ANXA7: variants seen among roughly 807,000 people sequenced by gnomAD.
ANXA7 encodes annexin VII.
A neutral mutation model predicts 64.9 loss-of-function variants in ANXA7; 55 were observed. That is an observed-to-expected ratio of 0.85 (90% confidence interval 0.68 to 1.06). The LOEUF (loss-of-function observed/expected upper bound fraction) is 1.06, where lower values mean the gene tolerates loss of function less well. ANXA7 is among the 50% of genes least tolerant of loss of function. The pLI is 0.00. For synonymous variants in ANXA7, 200 were observed against 192.4 expected (o/e 1.04, Z -0.33); for missense variants, 548 against 582.1 (o/e 0.94, Z 0.60).
intron 2 of ANXA7, among the ~76,000 whole-genome samples, chr10:73,400,035 C>T (rs2055636053): frequency 6.6e-6 from 1 of 151,306 alleles, no homozygotes; most frequent in Admixed American, 6.6e-5. Flanking sequence ...CCTAGCTACT[C>T]GGGAGGCTGA....
chr10:73,388,099 G>A (rs3763680), intron 6 of ANXA7, among the ~76,000 whole-genome samples: 22,711 of 151,756 alleles, frequency 0.15, 2,753 homozygotes, highest in African/African-American at 0.31. Context: ...TGCCCACCTC[G>A]GCCTCCTAAA....
rs548395042 is a variant in ANXA7, at chr10:73,396,615, G to A, written c.371-32C>T. The A allele has an allele frequency of 6.1e-5, 86 of 1,403,062 alleles. 1 individual carries two copies. The South Asian group carries it at 9.9e-4, about 16-fold the overall frequency. 86.9% of individuals were successfully genotyped at this position (1,403,062 alleles called of 1,614,324 possible). On this transcript the variant is annotated intron_variant, in intron 4 of 12. Coordinates refer to ENST00000372921, the MANE Select transcript of ANXA7 (RefSeq NM_001156.5). Reference sequence around the variant, plus strand: ...TGTTAAAAAAAATAATAATAATACGGCAACAGGTCTTACATGTTTTAATTT... The same window carrying A: ...TGTTAAAAAAAATAATAATAATACGACAACAGGTCTTACATGTTTTAATTT...
intron 1 of ANXA7, among the ~76,000 whole-genome samples, chr10:73,401,480 C>G (rs1413319414): frequency 6.6e-6 from 1 of 151,960 alleles, no homozygotes; most frequent in Non-Finnish European, 1.5e-5. Flanking sequence ...CACTACTATA[C>G]CAATACTGAA....
chr10:73,407,694 C>T (rs1318316897), intron 1 of ANXA7, among the ~76,000 whole-genome samples: 1 of 152,228 alleles, frequency 6.6e-6, no homozygotes, highest in East Asian at 1.9e-4. Flanking sequence ...GTAATGAGCA[C>T]TGTCCTAGGT....
chr10:73,402,979 C>T (rs909733929), intron 1 of ANXA7, among the ~76,000 whole-genome samples: 4 of 152,106 alleles, frequency 2.6e-5, no homozygotes, highest in African/African-American at 7.2e-5. Flanking sequence ...TGCCTGCCAC[C>T]GTGCCTGGCT....
intron 5 of ANXA7, among the ~76,000 whole-genome samples, chr10:73,391,965 A>C (rs1000062632): frequency 6.6e-6 from 1 of 152,234 alleles, no homozygotes; most frequent in Non-Finnish European, 1.5e-5. Flanking sequence ...AGACTAATAA[A>C]AAAGGAAAAA....
Position 73,397,292 on chromosome 10 carries a change from T to A in ANXA7, c.260-18A>T. ...TGGAGGAACTAGAGAAAAGAACATG[T>A]CAATAAACTATAGTACAGTTCTCAT... is the stretch of plus-strand genomic sequence containing the variant. On this transcript the variant is annotated intron_variant, in intron 3 of 12. Transcript: ENST00000372921. 6.6e-7 allele frequency: 1 copy of A among 1,510,988 alleles called. No homozygotes were observed. The highest frequency in any genetic ancestry group is 9.2e-7 in the Non-Finnish European group (1 of 1,090,090). The allele number at this position is 1,510,988 out of a possible 1,614,324, so 93.6% of individuals were successfully genotyped here.
chr10:73,397,334 T>C (rs1418949033), intron 3 of ANXA7, 60 bp from the exon 4 acceptor site: 2 of 1,010,946 alleles, frequency 2.0e-6, no homozygotes, highest in Non-Finnish European at 2.9e-6. Context: ...AGAAAAAACT[T>C]TAGAAAAATA....
rs1424396258 is a variant in ANXA7, at chr10:73,383,251, A to C, written c.842T>G (p.Phe281Cys). 6.2e-7 allele frequency: 1 copy of C among 1,614,002 alleles called. No individual in the cohort carries two copies. Residue 281 changes from phenylalanine (F) to cysteine (C), a missense_variant, in exon 9 of 13, where the codon TTT (phenylalanine) becomes TGT (cysteine). Transcript: ENST00000372921. ...REIVRCYQSE[F>C]GRDLEKDIRS... Reference sequence around the variant, plus strand: ...AATGTCCTTTTCAAGGTCTCGTCCAAATTCTGACTGATAACATCTGACAAT... The same window carrying C: ...AATGTCCTTTTCAAGGTCTCGTCCACATTCTGACTGATAACATCTGACAAT...
rs1293764018 is a variant in ANXA7 at position 73,391,122 on chromosome 10, C to T, written c.436-2708G>A. The stretch of plus-strand genomic sequence containing the variant: ...GGCGGAGGTTGCAGTGACCCCAGAT[C>T]GCGCCACTGCACACTCTAGCCTGGC... On this transcript the variant is annotated intron_variant, in intron 5 of 12. Transcript: ENST00000372921. 5.4e-5 allele frequency among the ~76,000 whole-genome samples: 8 copies of T among 148,590 alleles called. No individual in the cohort carries two copies. In the East Asian group the frequency reaches 1.2e-3, roughly 22 times the overall value.
rs570721614 is a variant in ANXA7 at position 73,384,661 on chromosome 10, G to A, written c.634-971C>T. 1.3e-3 allele frequency among the ~76,000 whole-genome samples: 195 copies of A among 151,982 alleles called. 1 individual carries two copies. Among genetic ancestry groups the A allele is most frequent in the African/African-American group, 4.5e-3 (185 of 41,462 alleles). Reference sequence around the variant, plus strand: ...AGTGATACACCCGCCTTGGCCTCCCGAAGTGCTGGCATTACACACATGAAC... The same window carrying A: ...AGTGATACACCCGCCTTGGCCTCCCAAAGTGCTGGCATTACACACATGAAC... On this transcript the variant is annotated intron_variant, in intron 7 of 12. Transcript: ENST00000372921.
intron 12 of ANXA7, 23 bp downstream of exon 12, chr10:73,378,888 A>ATC: frequency 1.3e-6 from 2 of 1,572,634 alleles, no homozygotes; most frequent in Non-Finnish European, 8.7e-7. Context: ...AAGACCCGAC[A>ATC]AAAAGAGAGA....
At chr10:73,390,755 T>C (rs1366305823) in intron 5 of ANXA7, among the ~76,000 whole-genome samples, 1 of 148,224 alleles carries the variant, frequency 6.7e-6, no homozygotes, top group East Asian at 1.9e-4. Flanking sequence ...CATATATATA[T>C]ATTGATTTCA....
chr10:73,380,090 T>C lies in ANXA7; in HGVS notation c.1030A>G (p.Met344Val), dbSNP rs1205681157. ...GGAAAGCTTCTTGTGGCAAGGATCA[T>C]GTTAAAGCAAGATTCATCGGTCCCT... ...RLGTDESCFN[M>V]ILATRSFPQL... The change falls in exon 10 of 13, where the codon ATG (methionine) becomes GTG (valine). Residue 344 changes from methionine to valine, a missense_variant. By Grantham distance (21) the Met-to-Val change is conservative. Transcript: ENST00000372921. 8.7e-6 allele frequency: 14 copies of C among 1,614,072 alleles called. No individual in the cohort carries two copies. Among genetic ancestry groups the C allele is most frequent in the Non-Finnish European group, 1.1e-5 (13 of 1,180,048 alleles).
chr10:73,377,525 A>T (rs2055189495), intron 12 of ANXA7: 1 of 125,838 alleles, frequency 7.9e-6, no homozygotes, highest in Non-Finnish European at 1.6e-5. Flanking sequence ...AGCCGAGATT[A>T]TGCCACTGTA....
At chr10:73,402,866 C>T (rs1734857018) in intron 1 of ANXA7, among the ~76,000 whole-genome samples, 2 of 151,898 alleles carry the variant, frequency 1.3e-5, no homozygotes, top group Admixed American at 1.3e-4. Flanking sequence ...ACTCTGTCGC[C>T]CAGGCTGGAG....
intron 1 of ANXA7, among the ~76,000 whole-genome samples, chr10:73,401,998 A>G (rs1331886057): frequency 6.6e-6 from 1 of 152,204 alleles, no homozygotes; most frequent in African/African-American, 2.4e-5. Context: ...AACTTCCAGT[A>G]GTTTTCTTAC....
chr10:73,412,326 C>T (rs528966511), intron 1 of ANXA7, among the ~76,000 whole-genome samples: 239 of 152,244 alleles, frequency 1.6e-3, no homozygotes, highest in Admixed American at 2.0e-3. Context: ...ACAGCCACTG[C>T]GCCCGGCCGA....
rs746535196 is a variant in ANXA7, at chr10:73,380,043, C to T, written c.1077G>A (p.Glu359=). 6.2e-7 allele frequency: 1 copy of T among 1,613,980 alleles called. No homozygotes were observed. The highest frequency in any genetic ancestry group is 8.5e-7 in the Non-Finnish European group (1 of 1,179,992). The change falls in exon 10 of 13, where the codon GAG becomes GAA. Residue 359 remains glutamate, a synonymous_variant. Transcript: ENST00000372921. ...GAAAAGCTCATACCCTAGAATAAGCCTCCATGGTAGCTCTCAGCTGAGGAA... is the reference window on the plus strand; with the variant it reads ...GAAAAGCTCATACCCTAGAATAAGCTTCCATGGTAGCTCTCAGCTGAGGAA... ...RSFPQLRATM[E]AYSRMANRDL...
Sources: gnomAD v4.1 joint callset for allele counts (sites outside exome capture counted in the v4.1 genomes callset) on GRCh38, gnomAD v4.1.1 for gene constraint, MANE v1.5 for transcripts, NCBI Gene and HGNC (gene_info 2026-07-23, HGNC 2026-07-21) for gene names.